ZNF136: variants seen among roughly 807,000 people sequenced by gnomAD.
The protein encoded by ZNF136 is zinc finger protein 136, also known as zinc finger protein 136 (clone pHZ-20).
In ZNF136, 8 loss-of-function variants were observed where a neutral mutation model predicts 11.4. The observed-to-expected ratio is 0.70, with a 90% CI of 0.41 to 1.27. The LOEUF (loss-of-function observed/expected upper bound fraction) is 1.27, where lower values mean the gene tolerates loss of function less well. Among genes scored for constraint, ZNF136 ranks in the 50% most tolerant of loss-of-function variants. ZNF136 has a pLI of 0.01. For synonymous variants in ZNF136, 190 were observed against 207.1 expected (o/e 0.92, Z 0.71); for missense variants, 590 against 656.5 (o/e 0.90, Z 1.11).
At chr19:12,186,282 T>G in intron 3 of ZNF136, 108 bp downstream of exon 3, 2 of 1,197,720 alleles carry the variant, frequency 1.7e-6, no homozygotes, top group Non-Finnish European at 2.3e-6. Context: ...AATTGATTTA[T>G]TTTTTGAATA....
chr19:12,175,233 C>T (rs1472719562), intron 1 of ZNF136, among the ~76,000 whole-genome samples: 1 of 149,008 alleles, frequency 6.7e-6, no homozygotes, highest in Non-Finnish European at 1.5e-5. Context: ...CTTGCTTTGT[C>T]ACCCAGGCTG....
chr19:12,178,606 T>C (rs775905450), intron 1 of ZNF136, among the ~76,000 whole-genome samples: 24 of 152,242 alleles, frequency 1.6e-4, no homozygotes, highest in Non-Finnish European at 3.1e-4. Context: ...CTTTTTCATT[T>C]GCTGCTAAGT....
At chr19:12,181,234 G>A (rs200006988) in intron 1 of ZNF136, among the ~76,000 whole-genome samples, 1 of 152,164 alleles carries the variant, frequency 6.6e-6, no homozygotes, top group Admixed American at 6.5e-5. Flanking sequence ...CCTGGGGTCC[G>A]ACATGGCTGG....
At position 12,164,439 on chromosome 19, in the gene ZNF136, CTTTTTTTTTT is replaced by C. The variant is rs61233117; in HGVS notation, c.3+1247_3+1256del. ...GTTTTGCGCCACCACTCCCAGATAA[CTTTTTTTTTT>C]TTTTTTTTTTTTTGAGACGGAGTCT... On this transcript the variant is annotated intron_variant, in intron 1 of 3. Coordinates refer to ENST00000343979, the MANE Select transcript of ZNF136 (RefSeq NM_003437.5). Among the ~76,000 whole-genome samples the C allele has an allele frequency of 2.8e-3, 348 of 122,844 alleles. 1 individual carries two copies. The highest frequency in any genetic ancestry group is 1.0e-2 in the African/African-American group (311 of 31,238). The allele number at this position is 122,844 out of a possible 152,430, so 80.6% of individuals were successfully genotyped here.
chr19:12,175,184 T>A (rs1914758878), intron 1 of ZNF136, among the ~76,000 whole-genome samples: 1 of 149,756 alleles, frequency 6.7e-6, no homozygotes, highest in Admixed American at 6.6e-5. Flanking sequence ...AGAAAGATTC[T>A]GTTTTCTTTC....
Position 12,186,976 on chromosome 19 carries a change from G to A in ZNF136, c.598G>A (p.Val200Met). 6.2e-7 allele frequency: 1 copy of A among 1,614,094 alleles called. No homozygotes were observed. Among genetic ancestry groups the A allele is most frequent in the Non-Finnish European group, 8.5e-7 (1 of 1,179,998 alleles). The change falls in exon 4 of 4, where the codon GTG (valine) becomes ATG (methionine). Residue 200 changes from valine to methionine, a missense_variant. Coordinates refer to ENST00000343979, the MANE Select transcript of ZNF136 (RefSeq NM_003437.5). ...TGGATATACACCATATAAATGTAAG[G>A]TGTGTGGGAAAGCTTTTGATTATCC... ...HSGYTPYKCK[V>M]CGKAFDYPSR...
chr19:12,171,078 G>A (rs1281310565), intron 1 of ZNF136, among the ~76,000 whole-genome samples: 2 of 151,604 alleles, frequency 1.3e-5, no homozygotes, highest in Non-Finnish European at 2.9e-5. Flanking sequence ...CAGGTGATCT[G>A]CTTACCTTGG....
chr19:12,167,959 C>G (rs183275028), intron 1 of ZNF136, among the ~76,000 whole-genome samples: 1 of 151,166 alleles, frequency 6.6e-6, no homozygotes, highest in Non-Finnish European at 1.5e-5. Flanking sequence ...CAGACGCAGA[C>G]TCATGCAAAG....
At chr19:12,163,235 A>G (rs760169377) in intron 1 of ZNF136, 29 bp downstream of exon 1, 3 of 1,375,992 alleles carry the variant, frequency 2.2e-6, no homozygotes, top group Non-Finnish European at 1.9e-6. Flanking sequence ...GCGTCCCGAG[A>G]CAGGGAGGAG....
At chr19:12,163,700 C>G (rs1317203457) in intron 1 of ZNF136, 1 of 158,684 alleles carries the variant, frequency 6.3e-6, no homozygotes, top group African/African-American at 2.4e-5. Flanking sequence ...TTCCAAACGC[C>G]AACCTCTCCC....
At chr19:12,176,891 A>G (rs181406340) in intron 1 of ZNF136, among the ~76,000 whole-genome samples, 12 of 152,224 alleles carry the variant, frequency 7.9e-5, no homozygotes, top group African/African-American at 2.6e-4. Flanking sequence ...TTGTGTGTCT[A>G]CCTGGGTATG....
intron 1 of ZNF136, among the ~76,000 whole-genome samples, chr19:12,183,540 C>T (rs889851710): frequency 3.3e-5 from 5 of 149,428 alleles, no homozygotes; most frequent in Non-Finnish European, 7.4e-5. Context: ...TATGGCTTCA[C>T]ATAACTGAAT....
chr19:12,174,098 T>C (rs1412346594), intron 1 of ZNF136, among the ~76,000 whole-genome samples: 6 of 151,964 alleles, frequency 3.9e-5, no homozygotes, highest in Non-Finnish European at 7.4e-5. Context: ...AGAGATGGGG[T>C]TTCTCCATGT....
chr19:12,178,356 G>A (rs1719524524), intron 1 of ZNF136, among the ~76,000 whole-genome samples: 1 of 152,152 alleles, frequency 6.6e-6, no homozygotes, highest in Admixed American at 6.5e-5. Flanking sequence ...ACTTGTTTAT[G>A]TACTCTTTCT....
chr19:12,170,145 G>T (rs1466388186), intron 1 of ZNF136, among the ~76,000 whole-genome samples: 1 of 149,002 alleles, frequency 6.7e-6, no homozygotes, highest in East Asian at 2.1e-4. Context: ...AGCCAGGGTG[G>T]TCTCAATCTC....
In ZNF136 at chr19:12,187,050, T is replaced by C. The variant is rs146693871; in HGVS notation, c.672T>C (p.Tyr224=). The change falls in exon 4 of 4, where the codon TAT becomes TAC. Residue 224 remains tyrosine (Y), a synonymous_variant. Coordinates refer to ENST00000343979, the MANE Select transcript of ZNF136 (RefSeq NM_003437.5). ...GAAGTCACACTGGAGAGAAACCCTA[T>C]GAATGTCAGGAATGTGGAAAAGCCT... ...HERSHTGEKP[Y]ECQECGKAFT... 1.2e-6 allele frequency: 2 copies of C among 1,613,914 alleles called. No homozygotes were observed. The highest frequency in any genetic ancestry group is 2.7e-5 in the African/African-American group (2 of 74,880).
intron 1 of ZNF136, among the ~76,000 whole-genome samples, chr19:12,184,025 G>A (rs912997419): frequency 1.3e-5 from 2 of 152,070 alleles, no homozygotes; most frequent in Admixed American, 6.5e-5. Flanking sequence ...CCAGCACTTC[G>A]GGAGGCCAAG....
intron 1 of ZNF136, 81 bp from the exon 2 acceptor site, chr19:12,185,704 G>A: frequency 6.5e-7 from 1 of 1,535,176 alleles, no homozygotes; most frequent in Non-Finnish European, 8.8e-7. Context: ...TGAAACATGT[G>A]AACTTCTTAT....
At chr19:12,179,237 A>G (rs1416406303) in intron 1 of ZNF136, among the ~76,000 whole-genome samples, 1 of 152,178 alleles carries the variant, frequency 6.6e-6, no homozygotes, top group South Asian at 2.1e-4. Context: ...AAAAGTCATC[A>G]TAAATATGAT....
Sources: gnomAD v4.1 joint callset for allele counts (sites outside exome capture counted in the v4.1 genomes callset) on GRCh38, gnomAD v4.1.1 for gene constraint, MANE v1.5 for transcripts, NCBI Gene and HGNC (gene_info 2026-07-23, HGNC 2026-07-21) for gene names.